UGGT2: variants seen among roughly 807,000 people sequenced by gnomAD.
The protein encoded by UGGT2 is UDP-glucose:glycoprotein glucosyltransferase 2.
UGGT2 carries 180 observed loss-of-function variants against 192.1 expected under a neutral mutation model. The observed-to-expected ratio is 0.94, with a 90% CI of 0.83 to 1.06. The LOEUF is 1.06. Among genes scored for constraint, UGGT2 ranks in the 50% least tolerant of loss-of-function variants. The pLI is 0.00. For synonymous variants in UGGT2, 580 were observed against 591.0 expected, an observed-to-expected ratio of 0.98 and a Z score of 0.27; for missense variants, 1,849 against 1,795.7, an observed-to-expected ratio of 1.03 and a Z score of -0.54.
At position 95,863,852 on chromosome 13, in the gene UGGT2, T is replaced by C. The variant is rs958948775; in HGVS notation, c.3559-138A>G. 3 of 679,220 alleles carry C rather than the reference T, an allele frequency of 4.4e-6. No homozygotes were observed. In the Admixed American group the frequency reaches 7.4e-5, roughly 17 times the overall value. The allele number at this position is 679,220 out of a possible 1,614,324, so 42.1% of individuals were successfully genotyped here. On this transcript the variant is annotated intron_variant, in intron 30 of 38. Transcript: ENST00000376747. ...TTGCAGTAACCAAAGACAGGCAATATCTTAGCACAATGTTGTAAACAATCT... is the reference window on the plus strand; with the variant it reads ...TTGCAGTAACCAAAGACAGGCAATACCTTAGCACAATGTTGTAAACAATCT...
intron 9 of UGGT2, among the ~76,000 whole-genome samples, chr13:95,986,039 A>G (rs539251886): frequency 6.6e-6 from 1 of 152,236 alleles, no homozygotes; most frequent in African/African-American, 2.4e-5. Flanking sequence ...TTTATTGCTT[A>G]AACAAGTTTT....
chr13:95,871,482 TAGACACTTTAAGGAGA>T (rs538958669), intron 29 of UGGT2, among the ~76,000 whole-genome samples: 371 of 152,200 alleles, frequency 2.4e-3, no homozygotes, highest in African/African-American at 8.6e-3. Context: ...CTCAGTAAGG[TAGACACTTTAAGGAGA>T]AGACACTTTG....
intron 5 of UGGT2, among the ~76,000 whole-genome samples, chr13:96,000,002 G>C (rs2051747666): frequency 6.6e-6 from 1 of 152,158 alleles, no homozygotes; most frequent in Non-Finnish European, 1.5e-5. Flanking sequence ...CATCAAACAA[G>C]AGAAGTCACC....
intron 36 of UGGT2, among the ~76,000 whole-genome samples, chr13:95,838,143 G>A (rs1407663769): frequency 1.3e-5 from 2 of 152,140 alleles, no homozygotes; most frequent in African/African-American, 4.8e-5. Context: ...AAAGTCAACT[G>A]CTTTTCTATA....
In UGGT2 at chr13:95,937,129, ATTGT is replaced by A; in HGVS notation, c.1813-45_1813-42del. 3 of 1,543,492 alleles carry A rather than the reference ATTGT, an allele frequency of 1.9e-6. 1 individual carries two copies. In the South Asian group the frequency reaches 3.8e-5, roughly 20 times the overall value. On this transcript the variant is annotated intron_variant, in intron 16 of 38. Coordinates refer to ENST00000376747, the MANE Select transcript of UGGT2 (RefSeq NM_020121.4). ...ATATCAGAGTGTTAAACAAAATATG[ATTGT>A]TTGAATAATAAACATAAGAAAATGG...
Position 95,820,401 on chromosome 13 carries a change from TACAA to T in UGGT2, c.4528+12522_4528+12525del, listed in dbSNP as rs1293314303. Among the ~76,000 whole-genome samples the T allele has an allele frequency of 3.3e-5, 5 of 152,194 alleles. No homozygotes were observed. The South Asian group carries it at 1.0e-3, about 32-fold the overall frequency. Reference sequence around the variant, plus strand: ...ACTGTTCCAGAGCACAAAAAAGGAATACAAAGCTCCTAATTCTTTTTATGAAGTG... The same window carrying T: ...ACTGTTCCAGAGCACAAAAAAGGAATAGCTCCTAATTCTTTTTATGAAGTG... On this transcript the variant is annotated intron_variant, in intron 38 of 38. Coordinates refer to ENST00000376747, the MANE Select transcript of UGGT2 (RefSeq NM_020121.4).
At chr13:95,837,943 A>G (rs1887484810) in intron 36 of UGGT2, among the ~76,000 whole-genome samples, 1 of 152,170 alleles carries the variant, frequency 6.6e-6, no homozygotes, top group Non-Finnish European at 1.5e-5. Context: ...ATTAAACATC[A>G]CACTGAAAGT....
Position 95,833,065 on chromosome 13 carries a change from A to C in UGGT2, c.4402-12T>G, listed in dbSNP as rs1886896625. On this transcript the variant is annotated splice_polypyrimidine_tract_variant and intron_variant, in intron 37 of 38. Coordinates refer to ENST00000376747, the MANE Select transcript of UGGT2 (RefSeq NM_020121.4). ...TTGGGATTATTGCACTAAAAGTTTAAGTAAATTTTGTTAATGAAAGACCAT... is the reference window on the plus strand; with the variant it reads ...TTGGGATTATTGCACTAAAAGTTTACGTAAATTTTGTTAATGAAAGACCAT... 1.2e-6 allele frequency: 2 copies of C among 1,610,112 alleles called. No homozygotes were observed. Among genetic ancestry groups the C allele is most frequent in the East Asian group, 4.5e-5 (2 of 44,712 alleles).
intron 38 of UGGT2, among the ~76,000 whole-genome samples, chr13:95,831,136 G>A (rs560203744): frequency 6.6e-6 from 1 of 152,174 alleles, no homozygotes; most frequent in South Asian, 2.1e-4. Context: ...TGTGGGGTGG[G>A]GGTAGGGGGT....
At chr13:95,903,131 T>C in intron 20 of UGGT2, 71 bp from the exon 21 acceptor site, 10 of 1,450,298 alleles carry the variant, frequency 6.9e-6, no homozygotes, top group Non-Finnish European at 8.3e-6. Context: ...ATATTTTCTT[T>C]CCCATCCAGT....
At chr13:95,930,854 G>T (rs538139918) in intron 17 of UGGT2, among the ~76,000 whole-genome samples, 1 of 152,140 alleles carries the variant, frequency 6.6e-6, no homozygotes, top group African/African-American at 2.4e-5. Flanking sequence ...TGGTGGTCTC[G>T]CTGGCTTCAG....
intron 25 of UGGT2, among the ~76,000 whole-genome samples, 195 bp downstream of exon 25, chr13:95,890,667 C>A (rs982101774): frequency 6.6e-6 from 1 of 152,128 alleles, no homozygotes; most frequent in African/African-American, 2.4e-5. Flanking sequence ...CAGTTCACAG[C>A]AACACCTAAC....
At chr13:96,004,806 T>C (rs1468309298) in intron 5 of UGGT2, among the ~76,000 whole-genome samples, 1 of 152,110 alleles carries the variant, frequency 6.6e-6, no homozygotes, top group Admixed American at 6.6e-5. Flanking sequence ...TGTATCCTTA[T>C]TAAACAGCCA....
chr13:95,924,420 T>C (rs2048953997), intron 20 of UGGT2, among the ~76,000 whole-genome samples: 1 of 119,552 alleles, frequency 8.4e-6, no homozygotes, highest in East Asian at 2.4e-4. Flanking sequence ...TTTTTTTTTT[T>C]TTTTGAAATT....
intron 36 of UGGT2, among the ~76,000 whole-genome samples, chr13:95,840,212 AAGAGCTTCTGC>A (rs771074471): frequency 6.6e-6 from 1 of 152,196 alleles, no homozygotes; most frequent in Non-Finnish European, 1.5e-5. Context: ...ATTTAAACTA[AAGAGCTTCTGC>A]ACAACAAAAT....
chr13:95,972,756 G>C lies in UGGT2; in HGVS notation c.1093-85C>G, dbSNP rs747771737. The stretch of plus-strand genomic sequence containing the variant: ...GGTCACCATATTATTTCTATAAAGA[G>C]TCAGAGAGTAAATATTTTAGGTTTG... On this transcript the variant is annotated intron_variant, in intron 10 of 38. Coordinates refer to ENST00000376747, the MANE Select transcript of UGGT2 (RefSeq NM_020121.4). 85 of 1,004,180 alleles carry C rather than the reference G, an allele frequency of 8.5e-5. 1 individual carries two copies. Among genetic ancestry groups the C allele is most frequent in the Middle Eastern group, 4.6e-4 (2 of 4,310 alleles). 62.2% of individuals were successfully genotyped at this position (1,004,180 alleles called of 1,614,324 possible). A position where few individuals can be genotyped will look rare whatever the true frequency, so the allele number is the denominator to read the frequency against.
At chr13:96,050,867 C>T (rs1406914943) in intron 1 of UGGT2, among the ~76,000 whole-genome samples, 1 of 152,180 alleles carries the variant, frequency 6.6e-6, no homozygotes, top group African/African-American at 2.4e-5. Flanking sequence ...AATAGGGACA[C>T]TTTTACACTG....
intron 38 of UGGT2, among the ~76,000 whole-genome samples, chr13:95,814,247 G>A (rs7331549): frequency 0.18 from 27,751 of 152,182 alleles, 3,300 homozygotes; most frequent in African/African-American, 0.33. Flanking sequence ...CACCTTCAGT[G>A]TGGAAAAGCT....
rs745490630 is a variant in UGGT2, at chr13:95,983,863, A to T, written c.1033T>A (p.Ser345Thr). Residue 345 changes from serine (S) to threonine (T), a missense_variant and splice_region_variant, in exon 10 of 39, where the codon TCT (serine) becomes ACT (threonine). Coordinates refer to ENST00000376747, the MANE Select transcript of UGGT2 (RefSeq NM_020121.4). ...ISQNFPIKAR[S>T]LTRIAVNQHM... ...TGATTTACAGCAATTCTGGTTAGAGATCTGGAAAAATGAATACTAATATAA... is the reference window on the plus strand; with the variant it reads ...TGATTTACAGCAATTCTGGTTAGAGTTCTGGAAAAATGAATACTAATATAA... The T allele has an allele frequency of 5.2e-6, 8 of 1,551,080 alleles. No individual in the cohort carries two copies. In the South Asian group the frequency reaches 9.6e-5, roughly 19 times the overall value.
Sources: allele counts gnomAD v4.1 joint callset (sites outside exome capture counted in the v4.1 genomes callset), GRCh38; gene constraint gnomAD v4.1.1; transcripts MANE v1.5; gene names NCBI Gene and HGNC (gene_info 2026-07-23, HGNC 2026-07-21).